The following ADA variants were observed in gnomAD, a reference collection of about 807,000 sequenced individuals.
ADA encodes the protein adenosine aminohydrolase.
ADA carries 45 observed loss-of-function variants against 49.0 expected under a neutral mutation model. The observed-to-expected ratio is 0.92, with a 90% CI of 0.72 to 1.18. ADA has a LOEUF of 1.18. Among genes scored for constraint, ADA ranks in the 50% most tolerant of loss-of-function variants. The pLI, the probability that ADA is intolerant of heterozygous loss-of-function variation, is 0.00. For synonymous variants in ADA, 173 were observed against 184.2 expected, an observed-to-expected ratio of 0.94 and a Z score of 0.49; for missense variants, 445 against 472.5, an observed-to-expected ratio of 0.94 and a Z score of 0.54.
intron 3 of ADA, among the ~76,000 whole-genome samples, 155 bp from the exon 4 acceptor site, chr20:44,626,754 C>A (rs2065386303): frequency 1.3e-5 from 2 of 152,140 alleles, no homozygotes; most frequent in Admixed American, 6.5e-5. Context: ...AGACACTGGG[C>A]AAGTCCTATC....
At chr20:44,637,478 T>TTGCTGTTCC (rs1200282759) in intron 1 of ADA, among the ~76,000 whole-genome samples, 2 of 152,186 alleles carry the variant, frequency 1.3e-5, no homozygotes, top group African/African-American at 4.8e-5. Context: ...GAAAGGGACT[T>TTGCTGTTCC]TGCTGTTCCT....
chr20:44,648,905 CCTGCT>C (rs1452414333), intron 1 of ADA, among the ~76,000 whole-genome samples: 1 of 152,014 alleles, frequency 6.6e-6, no homozygotes, highest in African/African-American at 2.4e-5. Context: ...AAAGCGCTGC[CCTGCT>C]CTGCTTTCTT....
intron 5 of ADA, among the ~76,000 whole-genome samples, chr20:44,625,037 G>A (rs1336497862): frequency 2.6e-5 from 4 of 152,264 alleles, no homozygotes; most frequent in Non-Finnish European, 4.4e-5. Context: ...AATGAAGTAA[G>A]TGTGATCATC....
At chr20:44,640,027 G>A (rs529978065) in intron 1 of ADA, among the ~76,000 whole-genome samples, 3 of 152,054 alleles carry the variant, frequency 2.0e-5, no homozygotes, top group Non-Finnish European at 2.9e-5. Context: ...AAGGAGAAGC[G>A]AGCAACGGTT....
chr20:44,649,571 C>G (rs1209041350), intron 1 of ADA, among the ~76,000 whole-genome samples: 1 of 151,046 alleles, frequency 6.6e-6, no homozygotes, highest in East Asian at 1.9e-4. Flanking sequence ...GATGGGAGGA[C>G]TGAGCAAGGC....
At chr20:44,635,211 G>A (rs1008544200) in intron 2 of ADA, among the ~76,000 whole-genome samples, 7 of 152,190 alleles carry the variant, frequency 4.6e-5, no homozygotes, top group Non-Finnish European at 1.5e-5. Context: ...CCTCGCTGGG[G>A]AACAGGGGGA....
chr20:44,636,364 C>G (rs2065480758), intron 1 of ADA, 76 bp from the exon 2 acceptor site: 1 of 1,257,510 alleles, frequency 8.0e-7, no homozygotes, highest in Non-Finnish European at 1.1e-6. Flanking sequence ...AAGGACCTTT[C>G]AGAGCTTAAT....
intron 9 of ADA, among the ~76,000 whole-genome samples, chr20:44,622,132 G>A (rs1443709134): frequency 6.6e-6 from 1 of 152,254 alleles, no homozygotes; most frequent in Non-Finnish European, 1.5e-5. Context: ...TAGACTCCAG[G>A]ATGGGAGCCA....
intron 6 of ADA, among the ~76,000 whole-genome samples, chr20:44,623,338 ATGAAGGAC>A (rs899390921): frequency 1.3e-5 from 2 of 152,230 alleles, no homozygotes; most frequent in Non-Finnish European, 2.9e-5. Context: ...CCATTTTATG[ATGAAGGAC>A]TGAAGCTCAG....
rs1006696425 is a variant in ADA at position 44,620,614 on chromosome 20, G to A, written c.976-213C>T. The A allele has an allele frequency of 1.3e-4, 78 of 623,408 alleles. 1 individual carries two copies. In the South Asian group the frequency reaches 1.3e-3, roughly 11 times the overall value. The allele number at this position is 623,408 out of a possible 1,614,324, so 38.6% of individuals were successfully genotyped here. On this transcript the variant is annotated intron_variant, in intron 10 of 11. Coordinates refer to ENST00000372874, the MANE Select transcript of ADA (RefSeq NM_000022.4). ...ATTACATGAAAAAGGGCTGTGAGAA[G>A]GAAGTTGGAGAAACCTTTGAGAGAC...
At chr20:44,642,826 C>T (rs1020098940) in intron 1 of ADA, among the ~76,000 whole-genome samples, 1 of 152,146 alleles carries the variant, frequency 6.6e-6, no homozygotes, top group African/African-American at 2.4e-5. Flanking sequence ...AGTGGGTGCT[C>T]AGCGGGGCAG....
Position 44,620,366 on chromosome 20 carries a change from T to A in ADA, c.1011A>T (p.Glu337Asp). The A allele has an allele frequency of 3.1e-6, 5 of 1,614,212 alleles. No individual in the cohort carries two copies. Among genetic ancestry groups the A allele is most frequent in the Non-Finnish European group, 4.2e-6 (5 of 1,180,038 alleles). Residue 337 changes from glutamate (E) to aspartate (D), a missense_variant, in exon 11 of 12, where the codon GAA (glutamate) becomes GAT (aspartate). By Grantham distance (45) the Glu-to-Asp change is conservative. Coordinates refer to ENST00000372874, the MANE Select transcript of ADA (RefSeq NM_000022.4). ...INAAKSSFLP[E>D]DEKRELLDLL... ...GGTCGAGAAGCTCCCTCTTTTCATC[T>A]TCTGGGAGGAAACTAGATTTGGCCG...
intron 1 of ADA, among the ~76,000 whole-genome samples, chr20:44,644,265 TCTCC>T (rs1437077305): frequency 6.6e-6 from 1 of 152,096 alleles, no homozygotes; most frequent in African/African-American, 2.4e-5. Flanking sequence ...AACATGTCTG[TCTCC>T]CTCATGAGCC....
rs201593683 is a variant in ADA, at chr20:44,636,621, C to T, written c.34-333G>A. Among the ~76,000 whole-genome samples the T allele has an allele frequency of 3.9e-5, 6 of 152,250 alleles. No homozygotes were observed. In the East Asian group the frequency reaches 7.7e-4, roughly 20 times the overall value. ...CCAACCCAGTATCTTTGTTCTTAAT[C>T]GCAGCTGGTGAGTGGCAGAGGCGGA... On this transcript the variant is annotated intron_variant, in intron 1 of 11. Transcript: ENST00000372874.
rs575967632 is a variant in ADA at position 44,644,048 on chromosome 20, C to G, written c.33+7527G>C. Among the ~76,000 whole-genome samples the G allele has an allele frequency of 6.6e-5, 10 of 151,632 alleles. No individual in the cohort carries two copies. The East Asian group carries it at 2.0e-3, about 30-fold the overall frequency. ...CTCCCAGATCTGACTCATGTTTCCACGTTCCCAACTGCTGGAGGGCGAGCA... is the reference window on the plus strand; with the variant it reads ...CTCCCAGATCTGACTCATGTTTCCAGGTTCCCAACTGCTGGAGGGCGAGCA... On this transcript the variant is annotated intron_variant, in intron 1 of 11. Coordinates refer to ENST00000372874, the MANE Select transcript of ADA (RefSeq NM_000022.4).
At chr20:44,634,772 C>T (rs1447755654) in intron 2 of ADA, among the ~76,000 whole-genome samples, 1 of 152,276 alleles carries the variant, frequency 6.6e-6, no homozygotes, top group Non-Finnish European at 1.5e-5. Flanking sequence ...GGTGGAGATG[C>T]TCCCGAGAGT....
chr20:44,628,290 C>T (rs536709252), intron 3 of ADA, among the ~76,000 whole-genome samples: 28 of 152,160 alleles, frequency 1.8e-4, no homozygotes, highest in Non-Finnish European at 3.7e-4. Flanking sequence ...TTTGGGAGGC[C>T]GAGGCGGGCA....
intron 1 of ADA, among the ~76,000 whole-genome samples, chr20:44,641,856 C>T (rs1384949749): frequency 6.6e-6 from 1 of 151,840 alleles, no homozygotes; most frequent in Non-Finnish European, 1.5e-5. Flanking sequence ...CAGCCTCTGC[C>T]TCCCAGGTTC....
intron 1 of ADA, among the ~76,000 whole-genome samples, chr20:44,639,983 G>A (rs1281844013): frequency 2.0e-5 from 3 of 152,030 alleles, no homozygotes; most frequent in Non-Finnish European, 4.4e-5. Flanking sequence ...GTGGGAGGGT[G>A]TGTGGTATGC....
Sources: allele counts gnomAD v4.1 joint callset (sites outside exome capture counted in the v4.1 genomes callset), GRCh38; gene constraint gnomAD v4.1.1; transcripts MANE v1.5; gene names NCBI Gene and HGNC (gene_info 2026-07-23, HGNC 2026-07-21).